The following CMTR1 variants were observed in gnomAD, a reference collection of about 807,000 sequenced individuals.
The protein encoded by CMTR1 is cap-specific mRNA (nucleoside-2'-O-)-methyltransferase 1.
Under a neutral mutation model 107.0 loss-of-function variants are expected in CMTR1, and 39 were observed. The observed-to-expected ratio is 0.36, with a 90% confidence interval of 0.28 to 0.48. The LOEUF is 0.48. Ranked by LOEUF, CMTR1 falls within the 20% of genes least tolerant of loss-of-function variation. The pLI is 0.99. For missense variants in CMTR1, 672 were observed against 1,064.9 expected, an observed-to-expected ratio of 0.63 and a Z score of 5.14; for synonymous variants, 366 against 379.5, an observed-to-expected ratio of 0.96 and a Z score of 0.41.
At position 37,480,007 on chromosome 6, in the gene CMTR1, C is replaced by T. The variant is rs1194453802; in HGVS notation, c.2376-6C>T. The T allele has an allele frequency of 2.5e-6, 4 of 1,572,000 alleles. No individual in the cohort carries two copies. Among genetic ancestry groups the T allele is most frequent in the African/African-American group, 2.8e-5 (2 of 71,954 alleles). The stretch of plus-strand genomic sequence containing the variant: ...CTGACCTCTTTCCCATCCCTCTCCT[C>T]CCCAGCATTTGCTACTATGGCCGGC... On this transcript the variant is annotated splice_polypyrimidine_tract_variant and splice_region_variant and intron_variant, in intron 23 of 23. Coordinates refer to ENST00000373451, the MANE Select transcript of CMTR1 (RefSeq NM_015050.3).
chr6:37,481,301 C>T lies in CMTR1; in HGVS notation c.*1156C>T. On this transcript the variant is annotated 3_prime_UTR_variant, in exon 24 of 24. Transcript: ENST00000373451. ...ATGCAGGCTCCCTAGGGCCCCATCC[C>T]AGTGCCAGGCTGGTTTCCATGGAGA... 3.3e-6 allele frequency: 4 copies of T among 1,215,854 alleles called. No homozygotes were observed. The highest frequency in any genetic ancestry group is 4.2e-6 in the Non-Finnish European group (4 of 954,556). The allele number at this position is 1,215,854 out of a possible 1,614,324, so 75.3% of individuals were successfully genotyped here.
At chr6:37,461,435 A>G (rs1761401517) in intron 10 of CMTR1, 114 bp from the exon 11 acceptor site, 1 of 594,634 alleles carries the variant, frequency 1.7e-6, no homozygotes, top group African/African-American at 1.9e-5. Context: ...TTCATCAATC[A>G]GATGGTGATC....
upstream of CMTR1, among the ~76,000 whole-genome samples, chr6:37,431,422 A>G (rs568467133): frequency 6.6e-6 from 1 of 152,336 alleles, no homozygotes; most frequent in Admixed American, 6.5e-5. Context: ...TAGCTCTGTA[A>G]TCTTGAACAT....
intron 23 of CMTR1, 108 bp downstream of exon 23, chr6:37,479,363 A>G (rs1227098959): frequency 3.8e-6 from 3 of 799,230 alleles, no homozygotes; most frequent in Non-Finnish European, 6.5e-6. Context: ...ACTGTTGCCC[A>G]TGCAGGGGTT....
intron 5 of CMTR1, among the ~76,000 whole-genome samples, chr6:37,450,808 C>T (rs1472709096): frequency 6.6e-6 from 1 of 152,196 alleles, no homozygotes; most frequent in African/African-American, 2.4e-5. Flanking sequence ...TGTATGTGCT[C>T]CCGGGGATCT....
Position 37,466,304 on chromosome 6 carries a change from A to T in CMTR1, c.1505+3296A>T, listed in dbSNP as rs570608756. Among the ~76,000 whole-genome samples, 101 of 151,496 alleles carry T rather than the reference A, an allele frequency of 6.7e-4. 2 individuals are homozygous for T. The highest frequency in any genetic ancestry group is 1.9e-4 in the Non-Finnish European group (13 of 67,838). On this transcript the variant is annotated intron_variant, in intron 13 of 23. Transcript: ENST00000373451. Reference sequence around the variant, plus strand: ...ATTTTTGTATTTTTGGTAGAGATGGAGTTTCACCATGTTGGCCAGGATGGT... The same window carrying T: ...ATTTTTGTATTTTTGGTAGAGATGGTGTTTCACCATGTTGGCCAGGATGGT...
At chr6:37,478,841 T>C (rs1761797229) in intron 22 of CMTR1, among the ~76,000 whole-genome samples, 1 of 152,168 alleles carries the variant, frequency 6.6e-6, no homozygotes, top group Admixed American at 6.5e-5. Context: ...TTTCTGTCCA[T>C]TTGCATCCCC....
At chr6:37,469,521 C>CTTTTTTTTTTTTTTT (rs763917812) in intron 13 of CMTR1, among the ~76,000 whole-genome samples, 2 of 61,614 alleles carry the variant, frequency 3.2e-5, no homozygotes, top group Admixed American at 2.8e-4. Flanking sequence ...TTGTTTTATC[C>CTTTTTTTTTTTTTTT]TTTTTTTTTT....
rs909988952 is a variant in CMTR1, at chr6:37,444,289, T to C, written c.285+139T>C. The C allele has an allele frequency of 5.7e-5, 58 of 1,021,520 alleles. No individual in the cohort carries two copies. In the African/African-American group the frequency reaches 8.6e-4, roughly 15 times the overall value. The allele number at this position is 1,021,520 out of a possible 1,614,324, so 63.3% of individuals were successfully genotyped here. ...TCAGCTACTGAAATTTAGCAGAGTG[T>C]GACCCACTTCTTGATAGAAGTATCT... On this transcript the variant is annotated intron_variant, in intron 3 of 23. Coordinates refer to ENST00000373451, the MANE Select transcript of CMTR1 (RefSeq NM_015050.3).
upstream of CMTR1, among the ~76,000 whole-genome samples, chr6:37,432,468 A>G (rs576283918): frequency 1.3e-5 from 2 of 152,312 alleles, no homozygotes; most frequent in South Asian, 4.1e-4. Flanking sequence ...GGGTAAGTGC[A>G]TGAATTGTGG....
At chr6:37,462,658 G>C (rs1428494819) in intron 12 of CMTR1, among the ~76,000 whole-genome samples, 171 bp from the exon 13 acceptor site, 1 of 152,178 alleles carries the variant, frequency 6.6e-6, no homozygotes, top group Non-Finnish European at 1.5e-5. Flanking sequence ...CAACAGAGAA[G>C]GATTTGAGGG....
At chr6:37,438,847 A>G (rs1431989326) in intron 2 of CMTR1, among the ~76,000 whole-genome samples, 1 of 152,190 alleles carries the variant, frequency 6.6e-6, no homozygotes. Context: ...TGCTGTCTAC[A>G]TATCCCCTGA....
At position 37,451,844 on chromosome 6, in the gene CMTR1, G is replaced by A. The variant is rs760675975; in HGVS notation, c.576G>A (p.Gly192=). ...MIIEDETEFC[G]EELLHSVLQC... ...TTGAAGATGAAACAGAGTTTTGTGG[G>A]GAAGAGCTGCTTCACAGTGTGTTGC... Residue 192 remains glycine (G), a synonymous_variant, in exon 6 of 24, where the codon GGG becomes GGA. Coordinates refer to ENST00000373451, the MANE Select transcript of CMTR1 (RefSeq NM_015050.3). 1.2e-6 allele frequency: 2 copies of A among 1,613,572 alleles called. No individual in the cohort carries two copies. Among genetic ancestry groups the A allele is most frequent in the Admixed American group, 1.7e-5 (1 of 60,028 alleles).
Position 37,471,841 on chromosome 6 carries a change from TC to T in CMTR1, c.1563-3del. 6.2e-7 allele frequency: 1 copy of T among 1,613,768 alleles called. No individual in the cohort carries two copies. The highest frequency in any genetic ancestry group is 8.5e-7 in the Non-Finnish European group (1 of 1,179,902). ...TTTTAATCACTAACTGGCTTCATAT[TC>T]CCAGGACACTGAGTGAGCCTCGACA... On this transcript the variant is annotated splice_polypyrimidine_tract_variant and splice_region_variant and intron_variant, in intron 14 of 23. Transcript: ENST00000373451.
chr6:37,462,187 C>G, intron 12 of CMTR1, 85 bp downstream of exon 12: 4 of 1,491,092 alleles, frequency 2.7e-6, no homozygotes, highest in Non-Finnish European at 3.7e-6. Flanking sequence ...GGCATGACCT[C>G]TTAAGCTACG....
At chr6:37,479,518 G>A (rs111957912) in intron 23 of CMTR1, among the ~76,000 whole-genome samples, 4,201 of 152,302 alleles carry the variant, frequency 0.028, 183 homozygotes, top group African/African-American at 0.095. Flanking sequence ...TCTGGGCAGC[G>A]TATCCACCCC....
intron 5 of CMTR1, 84 bp from the exon 6 acceptor site, chr6:37,451,718 CTACT>C (rs1761175772): frequency 2.1e-6 from 2 of 942,960 alleles, no homozygotes; most frequent in Non-Finnish European, 3.4e-6. Context: ...CCTTCTTGCT[CTACT>C]TACTTGGAAC....
chr6:37,475,909 A>C (rs760930402), intron 19 of CMTR1: 6 of 566,070 alleles, frequency 1.1e-5, no homozygotes, highest in Non-Finnish European at 1.9e-5. Flanking sequence ...GACATAGTGA[A>C]ATTAGAGGTC....
chr6:37,479,449 G>A (rs1339464237), intron 23 of CMTR1, among the ~76,000 whole-genome samples, 194 bp downstream of exon 23: 6 of 152,242 alleles, frequency 3.9e-5, no homozygotes, highest in Admixed American at 2.6e-4. Flanking sequence ...GGTAGAGCTG[G>A]TGAGGGAAGC....
Sources: allele counts gnomAD v4.1 joint callset (sites outside exome capture counted in the v4.1 genomes callset), GRCh38; gene constraint gnomAD v4.1.1; transcripts MANE v1.5; gene names NCBI Gene and HGNC (gene_info 2026-07-23, HGNC 2026-07-21).